DAZL: variants seen among roughly 807,000 people sequenced by gnomAD.
The protein encoded by DAZL is deleted in azoospermia like.
A neutral mutation model predicts 45.0 loss-of-function variants in DAZL; 4 were observed. The observed-to-expected ratio is 0.09, with a 90% CI of 0.04 to 0.20. The LOEUF is 0.20. DAZL is among the 10% of genes least tolerant of loss of function. DAZL has a pLI of 1.00. For synonymous variants in DAZL, 122 were observed against 112.4 expected (o/e 1.09, Z -0.54); for missense variants, 326 against 351.3 (o/e 0.93, Z 0.58).
chr3:16,597,756 CATTG>C (rs1248357389), intron 3 of DAZL, among the ~76,000 whole-genome samples: 1 of 152,126 alleles, frequency 6.6e-6, no homozygotes, highest in African/African-American at 2.4e-5. Flanking sequence ...GTGAAAACTT[CATTG>C]ATTAACAAAG....
chr3:16,589,448 A>G (rs1694485673), intron 10 of DAZL, among the ~76,000 whole-genome samples: 1 of 152,142 alleles, frequency 6.6e-6, no homozygotes, highest in Non-Finnish European at 1.5e-5. Context: ...TAATCTGTCA[A>G]AAGAGTGATA....
chr3:16,604,870 C>A, intron 1 of DAZL: 1 of 712,574 alleles, frequency 1.4e-6, no homozygotes, highest in Non-Finnish European at 2.2e-6. Context: ...GGGGAACCCG[C>A]ACCCCAAACC....
At chr3:16,591,120 A>G (rs752902289) in intron 10 of DAZL, among the ~76,000 whole-genome samples, 2 of 152,086 alleles carry the variant, frequency 1.3e-5, no homozygotes, top group East Asian at 1.9e-4. Flanking sequence ...TCTTTTTCCT[A>G]TTCATAGACT....
rs1694764294 is a variant in DAZL, at chr3:16,605,390, G to A, written c.-185C>T. ...GTGACAAGGCTGAGGAGCCCCGAAA[G>A]GCGGACCGTCAGGCTGAGGAGCGCA... On this transcript the variant is annotated 5_prime_UTR_variant, in exon 1 of 11. Coordinates refer to ENST00000399444, the MANE Select transcript of DAZL (RefSeq NM_001351.4). The A allele has an allele frequency of 5.5e-6, 4 of 726,952 alleles. No homozygotes were observed. The highest frequency in any genetic ancestry group is 2.2e-5 in the Admixed American group (1 of 46,430). 45.0% of individuals were successfully genotyped at this position (726,952 alleles called of 1,614,324 possible).
chr3:16,604,444 T>G (rs1248791601), intron 1 of DAZL: 1 of 1,531,686 alleles, frequency 6.5e-7, no homozygotes, highest in African/African-American at 1.4e-5. Context: ...ACCAACCTCG[T>G]GCGGCAAAGA....
chr3:16,598,018 C>A lies in DAZL; in HGVS notation c.242+69G>T. ...AAATTTATGTTAAGTGTCAGAATACCAATTTTGAAGTCTTCTCTGATACTC... is the reference window on the plus strand; with the variant it reads ...AAATTTATGTTAAGTGTCAGAATACAAATTTTGAAGTCTTCTCTGATACTC... On this transcript the variant is annotated intron_variant, in intron 3 of 10. Coordinates refer to ENST00000399444, the MANE Select transcript of DAZL (RefSeq NM_001351.4). 2.2e-6 allele frequency: 3 copies of A among 1,356,754 alleles called. No individual in the cohort carries two copies. The South Asian group carries it at 3.6e-5, about 16-fold the overall frequency. The allele number at this position is 1,356,754 out of a possible 1,614,324, so 84.0% of individuals were successfully genotyped here.
At chr3:16,590,318 T>C (rs538019862) in intron 10 of DAZL, among the ~76,000 whole-genome samples, 1 of 127,628 alleles carries the variant, frequency 7.8e-6, no homozygotes, top group Non-Finnish European at 1.9e-5. Flanking sequence ...TCTACTCTTC[T>C]ACATTATACA....
chr3:16,590,212 T>C (rs181144701), intron 10 of DAZL, among the ~76,000 whole-genome samples: 55 of 127,092 alleles, frequency 4.3e-4, no homozygotes, highest in Middle Eastern at 4.3e-3. Context: ...AATTATACTA[T>C]CTATGTAGAA....
At chr3:16,597,416 A>T (rs757052717) in intron 4 of DAZL, 74 bp downstream of exon 4, 74 of 1,013,078 alleles carry the variant, frequency 7.3e-5, no homozygotes, top group Non-Finnish European at 1.0e-4. Context: ...AATTTTACAC[A>T]AGACTGAGTA....
At chr3:16,596,439 G>C (rs190241389) in intron 6 of DAZL, among the ~76,000 whole-genome samples, 2 of 152,116 alleles carry the variant, frequency 1.3e-5, no homozygotes, top group East Asian at 3.9e-4. Flanking sequence ...GAATATACTA[G>C]ACAGACACAT....
At position 16,595,338 on chromosome 3, in the gene DAZL, A is replaced by G; in HGVS notation, c.546T>C (p.Tyr182=). ...CCTGATAATTATATACAGGCAACTG[A>G]TATCCAGTGATGACCTGAACTGGTG... ...PNSPVQVITG[Y]QLPVYNYQMP... The change falls in exon 7 of 11, where the codon TAT becomes TAC. Residue 182 remains tyrosine, a synonymous_variant. Coordinates refer to ENST00000399444, the MANE Select transcript of DAZL (RefSeq NM_001351.4). 1.9e-6 allele frequency: 3 copies of G among 1,571,936 alleles called. No homozygotes were observed. The highest frequency in any genetic ancestry group is 1.2e-5 in the South Asian group (1 of 82,820).
At chr3:16,600,530 T>C (rs1425948435) in intron 1 of DAZL, among the ~76,000 whole-genome samples, 1 of 152,246 alleles carries the variant, frequency 6.6e-6, no homozygotes, top group Non-Finnish European at 1.5e-5. Flanking sequence ...ATGTCTTACG[T>C]TGTTTTTCTA....
intron 9 of DAZL, among the ~76,000 whole-genome samples, chr3:16,592,572 GA>G (rs71049170): frequency 0.45 from 64,704 of 143,754 alleles, 14,640 homozygotes; most frequent in African/African-American, 0.57. Context: ...CTGTCTTGGG[GA>G]AAAAAAAAAA....
chr3:16,596,284 C>T (rs1297361745), intron 6 of DAZL, among the ~76,000 whole-genome samples: 1 of 151,978 alleles, frequency 6.6e-6, no homozygotes, highest in East Asian at 1.9e-4. Context: ...ATGCCAGAAA[C>T]TCACAGGATT....
intron 10 of DAZL, among the ~76,000 whole-genome samples, chr3:16,590,677 A>T (rs1169907861): frequency 6.6e-6 from 1 of 152,252 alleles, no homozygotes; most frequent in African/African-American, 2.4e-5. Context: ...TAATAGCCAC[A>T]AATAAAAAGA....
At chr3:16,598,833 G>C (rs946247513) in intron 1 of DAZL, among the ~76,000 whole-genome samples, 1 of 150,950 alleles carries the variant, frequency 6.6e-6, no homozygotes, top group African/African-American at 2.4e-5. Context: ...ACCCAGGCTG[G>C]AGTGCAATGG....
Position 16,588,244 on chromosome 3 carries a change from A to T in DAZL, c.*416T>A, listed in dbSNP as rs1419809713. ...TGGAGAAATCATAAATGCAAAGCTC[A>T]ATACTGTAAATACTGTACTGTTCAC... is the stretch of plus-strand genomic sequence containing the variant. On this transcript the variant is annotated 3_prime_UTR_variant, in exon 11 of 11. Transcript: ENST00000399444. The T allele has an allele frequency of 5.6e-6, 1 of 179,766 alleles. No individual in the cohort carries two copies. 11.1% of individuals were successfully genotyped at this position (179,766 alleles called of 1,614,324 possible). A position where few individuals can be genotyped will look rare whatever the true frequency, so the allele number is the denominator to read the frequency against.
Position 16,597,965 on chromosome 3 carries a change from T to G in DAZL, c.242+122A>C, listed in dbSNP as rs1694625632. The G allele has an allele frequency of 1.9e-5, 21 of 1,083,814 alleles. No individual in the cohort carries two copies. The South Asian group carries it at 2.8e-4, about 14-fold the overall frequency. The allele number at this position is 1,083,814 out of a possible 1,614,324, so 67.1% of individuals were successfully genotyped here. On this transcript the variant is annotated intron_variant, in intron 3 of 10. Transcript: ENST00000399444. ...AAGAGCTGGCAATAAACTTTTATCC[T>G]CTACATGAAAGAAATTAACACAGCA...
In DAZL at chr3:16,596,739, G is replaced by C. The variant is rs1202281000; in HGVS notation, c.498+11C>G. 6.2e-7 allele frequency: 1 copy of C among 1,613,288 alleles called. No homozygotes were observed. The highest frequency in any genetic ancestry group is 1.3e-5 in the African/African-American group (1 of 75,030). On this transcript the variant is annotated intron_variant, in intron 6 of 10. Coordinates refer to ENST00000399444, the MANE Select transcript of DAZL (RefSeq NM_001351.4). ...ATAAACAAGAGAATAGGAACGTTAA[G>C]CAATTCTTACCTGAACATACTGAGT...
Sources: gnomAD v4.1 joint callset for allele counts (sites outside exome capture counted in the v4.1 genomes callset) on GRCh38, gnomAD v4.1.1 for gene constraint, MANE v1.5 for transcripts, NCBI Gene and HGNC (gene_info 2026-07-23, HGNC 2026-07-21) for gene names.